The following C1orf94 variants were observed in gnomAD, a reference collection of about 807,000 sequenced individuals.
The protein encoded by C1orf94 is chromosome 1 open reading frame 94.
C1orf94 carries 45 observed loss-of-function variants against 53.6 expected under a neutral mutation model. That is an observed-to-expected ratio of 0.84 (90% CI 0.66 to 1.08). The LOEUF (loss-of-function observed/expected upper bound fraction) is 1.08, where lower values mean the gene tolerates loss of function less well. Among genes scored for constraint, C1orf94 ranks in the 50% least tolerant of loss-of-function variants. The probability of loss-of-function intolerance (pLI) is 0.00; values close to 1 mark genes in which losing one functional copy is unlikely to be tolerated. For missense variants in C1orf94, 762 were observed against 738.9 expected (o/e 1.03, Z -0.36); for synonymous variants, 304 against 296.1 (o/e 1.03, Z -0.27).
At chr1:34,208,638 G>A (rs572920178) in intron 5 of C1orf94, among the ~76,000 whole-genome samples, 10 of 152,226 alleles carry the variant, frequency 6.6e-5, no homozygotes, top group African/African-American at 1.2e-4. Flanking sequence ...GCCACATCTC[G>A]GGGACTTTCA....
intron 1 of C1orf94, among the ~76,000 whole-genome samples, chr1:34,182,550 T>G (rs1201824244): frequency 6.6e-6 from 1 of 152,096 alleles, no homozygotes; most frequent in Non-Finnish European, 1.5e-5. Flanking sequence ...GGCCTAATGG[T>G]GGCAGTGGCT....
Position 34,205,062 on chromosome 1 carries a change from G to GGGGATAGC in C1orf94, c.1446+2804_1446+2811dup, listed in dbSNP as rs1270030345. Among the ~76,000 whole-genome samples, 6 of 152,350 alleles carry GGGGATAGC rather than the reference G, an allele frequency of 3.9e-5. No individual in the cohort carries two copies. In the East Asian group the frequency reaches 1.2e-3, roughly 29 times the overall value. On this transcript the variant is annotated intron_variant, in intron 4 of 6. Coordinates refer to ENST00000488417, the MANE Select transcript of C1orf94 (RefSeq NM_001134734.2). ...TTTGCAATGGTTTGCTTTATTAAGT[G>GGGGATAGC]GGGATAGCATCTCTTTGCTATGTTA...
chr1:34,183,905 A>AG (rs1642347060), intron 1 of C1orf94, among the ~76,000 whole-genome samples: 1 of 152,182 alleles, frequency 6.6e-6, no homozygotes, highest in Admixed American at 6.5e-5. Context: ...TGTCTGAAAA[A>AG]AATACAATGG....
rs1399857973 is a variant in C1orf94 at position 34,212,401 on chromosome 1, A to G, written c.1716A>G (p.Gly572=). ...GDGPQYLFPQ[G]YGFGSTSGGP... Reference sequence around the variant, plus strand: ...GACCGCAGTACCTCTTTCCCCAAGGATATGGGTGAGTCAGCCCACACTGGG... The same window carrying G: ...GACCGCAGTACCTCTTTCCCCAAGGGTATGGGTGAGTCAGCCCACACTGGG... The change falls in exon 6 of 7, where the codon GGA becomes GGG. Residue 572 remains glycine, a synonymous_variant. Transcript: ENST00000488417. 6.2e-7 allele frequency: 1 copy of G among 1,609,736 alleles called. No homozygotes were observed. Among genetic ancestry groups the G allele is most frequent in the Non-Finnish European group, 8.5e-7 (1 of 1,178,060 alleles).
intron 1 of C1orf94, among the ~76,000 whole-genome samples, chr1:34,179,799 C>T (rs903452131): frequency 6.6e-6 from 1 of 152,266 alleles, no homozygotes; most frequent in African/African-American, 2.4e-5. Flanking sequence ...GCTCCATATA[C>T]CTCAAGGTGC....
chr1:34,204,364 C>A (rs1278474696), intron 4 of C1orf94, among the ~76,000 whole-genome samples: 1 of 152,082 alleles, frequency 6.6e-6, no homozygotes, highest in Non-Finnish European at 1.5e-5. Flanking sequence ...AACAAGTACC[C>A]GTCCCCTCCC....
chr1:34,171,743 A>T (rs1199312319), intron 1 of C1orf94, among the ~76,000 whole-genome samples: 2 of 152,146 alleles, frequency 1.3e-5, no homozygotes, highest in Admixed American at 1.3e-4. Context: ...GCTTGGGGTT[A>T]TTTCCTGGAA....
chr1:34,204,369 C>A (rs1210598552), intron 4 of C1orf94, among the ~76,000 whole-genome samples: 1 of 152,070 alleles, frequency 6.6e-6, no homozygotes, highest in African/African-American at 2.4e-5. Context: ...GTACCCGTCC[C>A]CTCCCGAGGG....
intron 4 of C1orf94, among the ~76,000 whole-genome samples, 160 bp from the exon 5 acceptor site, chr1:34,207,997 C>T (rs939227963): frequency 5.9e-5 from 9 of 152,208 alleles, no homozygotes; most frequent in African/African-American, 2.2e-4. Context: ...GTGAGTCCTG[C>T]TTCTCCTGGC....
At chr1:34,180,429 A>G (rs1424236718) in intron 1 of C1orf94, among the ~76,000 whole-genome samples, 1 of 152,228 alleles carries the variant, frequency 6.6e-6, no homozygotes, top group Non-Finnish European at 1.5e-5. Context: ...ACATTGTGCC[A>G]TTCTGGTTTC....
At chr1:34,213,715 A>G (rs754825592) in intron 6 of C1orf94, among the ~76,000 whole-genome samples, 9 of 151,624 alleles carry the variant, frequency 5.9e-5, no homozygotes, top group Non-Finnish European at 1.0e-4. Context: ...TAATTTTTGT[A>G]TTTTTAGTAG....
chr1:34,216,021 TAAAA>T (rs1642981991), intron 6 of C1orf94, among the ~76,000 whole-genome samples: 2 of 151,518 alleles, frequency 1.3e-5, no homozygotes, highest in South Asian at 2.1e-4. Context: ...CAAAACAAAA[TAAAA>T]CAAACAAACA....
intron 1 of C1orf94, among the ~76,000 whole-genome samples, chr1:34,189,574 A>G (rs1642449099): frequency 1.3e-5 from 2 of 152,344 alleles, no homozygotes; most frequent in Admixed American, 1.3e-4. Flanking sequence ...TCTGATCCCT[A>G]TGCAGACAGG....
chr1:34,188,441 G>C (rs1211367504), intron 1 of C1orf94, among the ~76,000 whole-genome samples: 1 of 152,196 alleles, frequency 6.6e-6, no homozygotes, highest in African/African-American at 2.4e-5. Context: ...TCAGGGAGCT[G>C]AGAGATTTCA....
chr1:34,172,782 G>A (rs1188290934), upstream of C1orf94, among the ~76,000 whole-genome samples: 2 of 152,264 alleles, frequency 1.3e-5, no homozygotes, highest in Non-Finnish European at 2.9e-5. Flanking sequence ...GCCCTGTCCT[G>A]TTGCTGAGAC....
chr1:34,208,126 C>A, intron 4 of C1orf94, 31 bp from the exon 5 acceptor site: 1 of 1,610,500 alleles, frequency 6.2e-7, no homozygotes, highest in South Asian at 1.1e-5. Context: ...AACCCCTTGC[C>A]TGGCCATACT....
At chr1:34,207,976 T>A (rs1642825826) in intron 4 of C1orf94, among the ~76,000 whole-genome samples, 181 bp from the exon 5 acceptor site, 1 of 152,164 alleles carries the variant, frequency 6.6e-6, no homozygotes, top group Non-Finnish European at 1.5e-5. Flanking sequence ...AAGAGGGGCT[T>A]CCTGTGTGAT....
intron 6 of C1orf94, among the ~76,000 whole-genome samples, chr1:34,216,851 G>T (rs1642996306): frequency 6.6e-6 from 1 of 152,204 alleles, no homozygotes; most frequent in Non-Finnish European, 1.5e-5. Context: ...GGCCAAGGCA[G>T]GTGGATCACC....
intron 1 of C1orf94, among the ~76,000 whole-genome samples, chr1:34,188,194 A>C (rs1396302510): frequency 1.3e-5 from 2 of 152,172 alleles, no homozygotes. Context: ...ATGTGTGTGA[A>C]AGGTTCTCTG....
Sources: gnomAD v4.1 joint callset for allele counts (sites outside exome capture counted in the v4.1 genomes callset) on GRCh38, gnomAD v4.1.1 for gene constraint, MANE v1.5 for transcripts, NCBI Gene and HGNC (gene_info 2026-07-23, HGNC 2026-07-21) for gene names.